PLCE1: variants seen among roughly 807,000 people sequenced by gnomAD.
PLCE1 encodes the protein 1-phosphatidylinositol 4,5-bisphosphate phosphodiesterase epsilon-1.
A neutral mutation model predicts 242.8 loss-of-function variants in PLCE1; 119 were observed. The observed-to-expected ratio is 0.49, with a 90% CI of 0.42 to 0.57. The LOEUF is 0.57. Among genes scored for constraint, PLCE1 ranks in the 20% least tolerant of loss-of-function variants. PLCE1 has a pLI of 0.00. For synonymous variants in PLCE1, 945 were observed against 1,017.4 expected (o/e 0.93, Z 1.35); for missense variants, 2,441 against 2,788.8 (o/e 0.88, Z 2.81).
rs763507258 is a variant in PLCE1 at position 94,316,602 on chromosome 10, A to C, written c.6188A>C (p.Glu2063Ala). ...GTTACCACAGACTATTTTTTGATGG[A>C]AGAAAAATATTTTATATCTAAAGAA... ...KPVTTDYFLM[E>A]EKYFISKEKN... Residue 2063 changes from glutamate to alanine, a missense_variant, in exon 29 of 33, where the codon GAA becomes GCA. Glu to Ala is a moderately radical substitution (Grantham distance 107). Transcript: ENST00000371380. 3 of 1,608,720 alleles carry C rather than the reference A, an allele frequency of 1.9e-6. No homozygotes were observed. Among genetic ancestry groups the C allele is most frequent in the Non-Finnish European group, 1.7e-6 (2 of 1,175,704 alleles).
intron 5 of PLCE1, among the ~76,000 whole-genome samples, chr10:94,230,210 A>G (rs929422447): frequency 9.9e-5 from 15 of 152,250 alleles, no homozygotes; most frequent in Admixed American, 3.3e-4. Context: ...TTACTCAGTC[A>G]TGGTGTCAGT....
intron 4 of PLCE1, among the ~76,000 whole-genome samples, chr10:94,172,034 C>G (rs2047998888): frequency 6.6e-6 from 1 of 152,160 alleles, no homozygotes; most frequent in Non-Finnish European, 1.5e-5. Flanking sequence ...GATCCTCAGC[C>G]CCAGAATATC....
chr10:94,165,626 T>C (rs2047774765), intron 3 of PLCE1, among the ~76,000 whole-genome samples: 1 of 152,070 alleles, frequency 6.6e-6, no homozygotes, highest in African/African-American at 2.4e-5. Flanking sequence ...GAAAAAAATC[T>C]GAACAGGCCA....
At chr10:94,184,865 C>T (rs544982670) in intron 4 of PLCE1, among the ~76,000 whole-genome samples, 1 of 151,910 alleles carries the variant, frequency 6.6e-6, no homozygotes, top group Admixed American at 6.6e-5. Context: ...TTTCTATCTC[C>T]TTAGGCTAGA....
At chr10:94,025,100 C>T (rs2061434656) in intron 1 of PLCE1, among the ~76,000 whole-genome samples, 1 of 151,942 alleles carries the variant, frequency 6.6e-6, no homozygotes. Flanking sequence ...CTCATGTTCA[C>T]CTCACAATCT....
rs183977839 is a variant in PLCE1 at position 94,080,795 on chromosome 10, A to T, written c.1206+48543A>T. Among the ~76,000 whole-genome samples the T allele has an allele frequency of 1.4e-3, 211 of 152,312 alleles. 2 individuals carry two copies. The highest frequency in any genetic ancestry group is 4.2e-3 in the African/African-American group (174 of 41,576). On this transcript the variant is annotated intron_variant, in intron 2 of 32. Coordinates refer to ENST00000371380, the MANE Select transcript of PLCE1 (RefSeq NM_016341.4). The stretch of plus-strand genomic sequence containing the variant: ...ATAGTTTGTTTGCTTGTGTTTATTT[A>T]TTATGGATATTTCAAGAATACTGGG...
At chr10:94,062,577 G>GTTT (rs1442745275) in intron 2 of PLCE1, among the ~76,000 whole-genome samples, 32 of 6,682 alleles carry the variant, frequency 4.8e-3, no homozygotes, top group African/African-American at 0.026. Context: ...TGGTTTCTTG[G>GTTT]TTTTGTTTTT....
chr10:94,149,592 A>C (rs1344905603), intron 3 of PLCE1, among the ~76,000 whole-genome samples: 1 of 152,192 alleles, frequency 6.6e-6, no homozygotes, highest in Admixed American at 6.5e-5. Context: ...TTTTTAAAAT[A>C]AAATTCCCAG....
intron 20 of PLCE1, among the ~76,000 whole-genome samples, chr10:94,282,768 T>G (rs1484893170): frequency 2.0e-5 from 3 of 152,208 alleles, no homozygotes; most frequent in Non-Finnish European, 4.4e-5. Flanking sequence ...CCTTTACCCC[T>G]TTCTGATTCT....
intron 2 of PLCE1, chr10:94,089,406 C>T (rs749850702): frequency 1.3e-6 from 2 of 1,532,472 alleles, no homozygotes; most frequent in Admixed American, 2.0e-5. Context: ...AAGAAATCCC[C>T]CAGTGTTCTT....
chr10:94,184,735 C>T (rs2136497721), intron 4 of PLCE1, among the ~76,000 whole-genome samples: 1 of 152,314 alleles, frequency 6.6e-6, no homozygotes, highest in Non-Finnish European at 1.5e-5. Context: ...TGTACATAGC[C>T]TCTGCAGTTG....
chr10:94,104,151 AG>A (rs1247574640), intron 2 of PLCE1: 1 of 152,248 alleles, frequency 6.6e-6, no homozygotes, highest in Non-Finnish European at 1.5e-5. Context: ...ATAGCAACTA[AG>A]ATTTATTTTA....
intron 4 of PLCE1, among the ~76,000 whole-genome samples, chr10:94,217,539 T>C (rs1179969906): frequency 2.0e-5 from 3 of 152,180 alleles, no homozygotes; most frequent in Non-Finnish European, 2.9e-5. Context: ...TGAACAGCAT[T>C]TAATAATTGG....
intron 4 of PLCE1, among the ~76,000 whole-genome samples, chr10:94,190,177 G>T (rs192999175): frequency 6.6e-6 from 1 of 152,352 alleles, no homozygotes; most frequent in Non-Finnish European, 1.5e-5. Context: ...CTACTCAGGA[G>T]GCTGAGGTGG....
Position 94,171,305 on chromosome 10 carries a change from A to T in PLCE1, c.1618A>T (p.Met540Leu). The T allele has an allele frequency of 6.2e-7, 1 of 1,614,182 alleles. No individual in the cohort carries two copies. The highest frequency in any genetic ancestry group is 1.1e-5 in the South Asian group (1 of 91,078). The change falls in exon 4 of 33, where the codon ATG becomes TTG. Residue 540 changes from methionine (M) to leucine (L), a missense_variant. Met to Leu is a conservative substitution (Grantham distance 15). Transcript: ENST00000371380. ...QFPEEVASIL[M>L]EQEQTIYRRV... ...CCCAGAGGAAGTCGCCAGCATCCTG[A>T]TGGAGCAAGAGCAGACTATTTACCG...
intron 16 of PLCE1, among the ~76,000 whole-genome samples, chr10:94,266,563 T>A (rs1358375382): frequency 6.6e-6 from 1 of 152,212 alleles, no homozygotes; most frequent in African/African-American, 2.4e-5. Context: ...ACATCCAACT[T>A]GCAATGATCT....
At chr10:94,078,435 C>T (rs185620505) in intron 2 of PLCE1, among the ~76,000 whole-genome samples, 115 of 152,140 alleles carry the variant, frequency 7.6e-4, no homozygotes, top group African/African-American at 2.7e-3. Flanking sequence ...TGTGCTTTTC[C>T]GTACAAATTA....
intron 2 of PLCE1, among the ~76,000 whole-genome samples, chr10:94,077,244 A>G (rs2044531052): frequency 6.6e-6 from 1 of 152,214 alleles, no homozygotes; most frequent in Admixed American, 6.5e-5. Flanking sequence ...TCAGTTGTCA[A>G]CAACTGGGGT....
chr10:94,008,191 C>CAA (rs745999207), intron 1 of PLCE1, among the ~76,000 whole-genome samples: 1,121 of 54,022 alleles, frequency 0.021, 56 homozygotes, highest in African/African-American at 0.051. Context: ...GACCTTGTCT[C>CAA]AAAAAAAAAA....
Sources: allele counts gnomAD v4.1 joint callset (sites outside exome capture counted in the v4.1 genomes callset), GRCh38; gene constraint gnomAD v4.1.1; transcripts MANE v1.5; gene names NCBI Gene and HGNC (gene_info 2026-07-23, HGNC 2026-07-21).